The following ADGRV1 variants were observed in gnomAD, a reference collection of about 807,000 sequenced individuals.
ADGRV1 encodes the protein G-protein coupled receptor 98.
Under a neutral mutation model 596.2 loss-of-function variants are expected in ADGRV1, and 359 were observed. The observed-to-expected ratio is 0.60, with a 90% confidence interval of 0.55 to 0.66. The LOEUF is 0.66. Ranked by LOEUF, ADGRV1 falls within the 30% of genes least tolerant of loss-of-function variation. The probability of loss-of-function intolerance (pLI) is 0.00; values close to 1 mark genes in which losing one functional copy is unlikely to be tolerated. For synonymous variants in ADGRV1, 2,681 were observed against 2,679.2 expected (o/e 1.00, Z -0.02); for missense variants, 7,274 against 7,575.6 (o/e 0.96, Z 1.48).
At chr5:90,912,611 C>T (rs1354775259) in intron 83 of ADGRV1, among the ~76,000 whole-genome samples, 1 of 152,066 alleles carries the variant, frequency 6.6e-6, no homozygotes, top group Non-Finnish European at 1.5e-5. Context: ...ATGTTTAGCA[C>T]TCCCTTACAA....
At chr5:90,688,549 A>T (rs906861034) in intron 29 of ADGRV1, among the ~76,000 whole-genome samples, 3 of 151,948 alleles carry the variant, frequency 2.0e-5, no homozygotes, top group African/African-American at 7.2e-5. Context: ...TAGAGATGGG[A>T]TTTTACCATG....
chr5:90,792,191 C>T (rs954720783), intron 70 of ADGRV1: 16 of 152,110 alleles, frequency 1.1e-4, no homozygotes, highest in Non-Finnish European at 1.9e-4. Context: ...TTCTCTCTGT[C>T]GAGGAATGGT....
At chr5:90,898,779 T>C (rs192056570) in intron 83 of ADGRV1, among the ~76,000 whole-genome samples, 10 of 152,006 alleles carry the variant, frequency 6.6e-5, no homozygotes, top group Admixed American at 5.9e-4. Flanking sequence ...ACCCTGTCTC[T>C]ACAAAAGATT....
At chr5:91,070,240 C>T (rs1382736561) in intron 85 of ADGRV1, among the ~76,000 whole-genome samples, 1 of 152,142 alleles carries the variant, frequency 6.6e-6, no homozygotes, top group Non-Finnish European at 1.5e-5. Context: ...TGCACATGGA[C>T]TCCCAGAACC....
chr5:90,762,795 A>G, intron 58 of ADGRV1: 1 of 152,484 alleles, frequency 6.6e-6, no homozygotes, highest in Middle Eastern at 3.2e-3. Context: ...GCCAAGTCTC[A>G]GTTTCTTCAT....
intron 1 of ADGRV1, among the ~76,000 whole-genome samples, chr5:90,613,294 T>A (rs1762936973): frequency 6.6e-6 from 1 of 152,136 alleles, no homozygotes; most frequent in Non-Finnish European, 1.5e-5. Flanking sequence ...CTCTTCATTG[T>A]ACCTTGTTCA....
chr5:91,122,120 T>C (rs1793372926), intron 87 of ADGRV1, among the ~76,000 whole-genome samples: 1 of 152,204 alleles, frequency 6.6e-6, no homozygotes. Flanking sequence ...TACTTTCCTC[T>C]TCTTTCTGGG....
At chr5:90,633,402 TG>T (rs1765749242) in intron 9 of ADGRV1, among the ~76,000 whole-genome samples, 1 of 152,120 alleles carries the variant, frequency 6.6e-6, no homozygotes, top group South Asian at 2.1e-4. Context: ...TAAAAATTAT[TG>T]TTTTTTTCTT....
chr5:90,945,722 A>T (rs914312040), intron 83 of ADGRV1, among the ~76,000 whole-genome samples: 1 of 152,060 alleles, frequency 6.6e-6, no homozygotes, highest in Non-Finnish European at 1.5e-5. Flanking sequence ...ATAGTGGCTC[A>T]CTCCTGTAAT....
chr5:90,726,628 T>C (rs1751819912), intron 48 of ADGRV1, among the ~76,000 whole-genome samples: 1 of 149,606 alleles, frequency 6.7e-6, no homozygotes, highest in Admixed American at 6.8e-5. Flanking sequence ...ACACAAATTT[T>C]CCTTTTCCCT....
chr5:90,867,455 G>A (rs1167043284), intron 83 of ADGRV1, among the ~76,000 whole-genome samples: 1 of 152,092 alleles, frequency 6.6e-6, no homozygotes, highest in African/African-American at 2.4e-5. Flanking sequence ...TTCTCATTCT[G>A]CAACATTTTG....
chr5:91,106,461 C>T (rs1167290129), intron 87 of ADGRV1, among the ~76,000 whole-genome samples: 1 of 152,100 alleles, frequency 6.6e-6, no homozygotes, highest in Non-Finnish European at 1.5e-5. Flanking sequence ...TTTTGTGATT[C>T]CACACAAATT....
intron 29 of ADGRV1, among the ~76,000 whole-genome samples, chr5:90,687,190 T>A (rs929720048): frequency 6.6e-6 from 1 of 152,240 alleles, no homozygotes; most frequent in Non-Finnish European, 1.5e-5. Context: ...TACTTACTTT[T>A]GCTGTGCAGA....
intron 33 of ADGRV1, among the ~76,000 whole-genome samples, chr5:90,694,954 C>T (rs1247399238): frequency 6.6e-6 from 1 of 152,020 alleles, no homozygotes; most frequent in Non-Finnish European, 1.5e-5. Context: ...AATTTTATCC[C>T]TTTATGTTTG....
chr5:91,002,634 C>CT (rs1191353680), intron 85 of ADGRV1, among the ~76,000 whole-genome samples: 12 of 151,758 alleles, frequency 7.9e-5, no homozygotes, highest in Admixed American at 1.3e-4. Context: ...AAATTATTAT[C>CT]TTTTTTTTCT....
At chr5:90,802,441 C>T (rs200645562) in intron 70 of ADGRV1, among the ~76,000 whole-genome samples, 3 of 151,896 alleles carry the variant, frequency 2.0e-5, no homozygotes, top group South Asian at 2.1e-4. Context: ...ATGTTGGCCA[C>T]GCTGGTCTTG....
Position 90,778,978 on chromosome 5 carries a change from G to A in ADGRV1, c.12963G>A (p.Glu4321=), listed in dbSNP as rs1257635576. The change falls in exon 64 of 90, where the codon GAG becomes GAA. Residue 4321 remains glutamate (E), a synonymous_variant. Transcript: ENST00000405460. ...TGGATTTTGTTCCTGCAGCAGGGGA[G>A]CTCCTCTTTGAAGCAGGGGAGATGA... ...AGLDFVPAAG[E]LLFEAGEMRK... is the part of the protein sequence containing the mutation. 1.2e-6 allele frequency: 2 copies of A among 1,613,472 alleles called. No individual in the cohort carries two copies. Among genetic ancestry groups the A allele is most frequent in the Non-Finnish European group, 1.7e-6 (2 of 1,179,516 alleles).
At chr5:90,678,453 ATTAT>A (rs779498203) in intron 25 of ADGRV1, among the ~76,000 whole-genome samples, 1 of 151,380 alleles carries the variant, frequency 6.6e-6, no homozygotes, top group African/African-American at 2.4e-5. Flanking sequence ...TTTTGATGAT[ATTAT>A]TTATTTTCCA....
At chr5:90,864,799 A>G (rs536876429) in intron 83 of ADGRV1, among the ~76,000 whole-genome samples, 102 of 152,344 alleles carry the variant, frequency 6.7e-4, no homozygotes, top group African/African-American at 2.4e-3. Context: ...TATAAAATTA[A>G]AAAATCCCAC....
Sources: allele counts gnomAD v4.1 joint callset (sites outside exome capture counted in the v4.1 genomes callset), GRCh38; gene constraint gnomAD v4.1.1; transcripts MANE v1.5; gene names NCBI Gene and HGNC (gene_info 2026-07-23, HGNC 2026-07-21).